Variants in AGBL4 observed in about 807,000 individuals in gnomAD.
AGBL4 encodes the protein AGBL carboxypeptidase 4.
Under a neutral mutation model 66.4 loss-of-function variants are expected in AGBL4, and 58 were observed. The observed-to-expected ratio is 0.87, with a 90% CI of 0.71 to 1.09. The LOEUF (loss-of-function observed/expected upper bound fraction) is 1.09. Ranked by LOEUF, AGBL4 falls within the 50% of genes least tolerant of loss-of-function variation. The pLI, the probability that AGBL4 is intolerant of heterozygous loss-of-function variation, is 0.00. For missense variants in AGBL4, 579 were observed against 631.0 expected (o/e 0.92, Z 0.88); for synonymous variants, 234 against 222.9 (o/e 1.05, Z -0.44).
chr1:49,615,717 G>A (rs1645238268), intron 3 of AGBL4, among the ~76,000 whole-genome samples: 1 of 152,030 alleles, frequency 6.6e-6, no homozygotes, highest in African/African-American at 2.4e-5. Flanking sequence ...GGAGCATTTG[G>A]GTTCTCTCTG....
intron 6 of AGBL4, among the ~76,000 whole-genome samples, chr1:48,702,454 G>A (rs1296384356): frequency 2.0e-5 from 3 of 151,982 alleles, no homozygotes; most frequent in African/African-American, 7.3e-5. Flanking sequence ...ACTACGCCTA[G>A]CTAATTTTTA....
At chr1:49,647,924 C>T (rs1374188451) in intron 3 of AGBL4, among the ~76,000 whole-genome samples, 1 of 151,566 alleles carries the variant, frequency 6.6e-6, no homozygotes. Context: ...CCATATCTTA[C>T]CACCACATTA....
intron 1 of AGBL4, among the ~76,000 whole-genome samples, chr1:49,884,651 T>G (rs1199409919): frequency 6.6e-6 from 1 of 151,818 alleles, no homozygotes; most frequent in Admixed American, 6.6e-5. Flanking sequence ...CAATGGTTTT[T>G]TTCAATTTAA....
chr1:49,096,363 C>T (rs1295456643), intron 4 of AGBL4, among the ~76,000 whole-genome samples: 1 of 152,114 alleles, frequency 6.6e-6, no homozygotes, highest in Non-Finnish European at 1.5e-5. Flanking sequence ...GATTATAAAT[C>T]ATGCTGCTAT....
chr1:49,272,038 A>T (rs1436462146), intron 3 of AGBL4, among the ~76,000 whole-genome samples: 1 of 152,174 alleles, frequency 6.6e-6, no homozygotes, highest in African/African-American at 2.4e-5. Flanking sequence ...TGGTACAATG[A>T]ATGTTATTTG....
chr1:49,840,164 T>G (rs1372022985), intron 2 of AGBL4, among the ~76,000 whole-genome samples: 1 of 152,176 alleles, frequency 6.6e-6, no homozygotes, highest in African/African-American at 2.4e-5. Flanking sequence ...TATTGGTCTA[T>G]TCAGAATTTC....
At chr1:48,917,695 T>C (rs966798056) in intron 5 of AGBL4, among the ~76,000 whole-genome samples, 1 of 152,242 alleles carries the variant, frequency 6.6e-6, no homozygotes, top group African/African-American at 2.4e-5. Context: ...TATTTTGATA[T>C]AGATGCTGTT....
chr1:49,253,135 C>A (rs1398678946), intron 3 of AGBL4, among the ~76,000 whole-genome samples: 1 of 152,148 alleles, frequency 6.6e-6, no homozygotes, highest in African/African-American at 2.4e-5. Context: ...AACCAAAACC[C>A]AGTGGTATGC....
At chr1:49,504,561 T>C (rs1349116229) in intron 3 of AGBL4, among the ~76,000 whole-genome samples, 1 of 152,116 alleles carries the variant, frequency 6.6e-6, no homozygotes, top group Non-Finnish European at 1.5e-5. Context: ...TTATATTCAC[T>C]TGATGAGTTT....
intron 4 of AGBL4, among the ~76,000 whole-genome samples, chr1:49,047,972 G>A (rs1644120904): frequency 6.6e-6 from 1 of 152,086 alleles, no homozygotes; most frequent in African/African-American, 2.4e-5. Flanking sequence ...AATACATGAT[G>A]ATCTACATTT....
chr1:48,709,205 T>G (rs1646925381), intron 6 of AGBL4, among the ~76,000 whole-genome samples: 1 of 152,186 alleles, frequency 6.6e-6, no homozygotes, highest in African/African-American at 2.4e-5. Context: ...CGCCTTTCCT[T>G]TCACGAAGTT....
At chr1:48,625,245 G>T (rs1265826479) in intron 9 of AGBL4, among the ~76,000 whole-genome samples, 2 of 151,506 alleles carry the variant, frequency 1.3e-5, no homozygotes, top group African/African-American at 2.4e-5. Flanking sequence ...TGCCCAGGCT[G>T]GTCTCAAACT....
chr1:49,704,363 G>A (rs1292658178), intron 2 of AGBL4, among the ~76,000 whole-genome samples: 1 of 151,750 alleles, frequency 6.6e-6, no homozygotes, highest in Non-Finnish European at 1.5e-5. Flanking sequence ...AAGATGACAA[G>A]GAAATTTAAT....
chr1:48,643,902 T>G lies in AGBL4; in HGVS notation c.840-9298A>C, dbSNP rs1351413178. On this transcript the variant is annotated intron_variant, in intron 8 of 13. Coordinates refer to ENST00000371839, the MANE Select transcript of AGBL4 (RefSeq NM_032785.4). ...GCTTTCTAGGAGGCTTCTTGCCTCC[T>G]TTTCTGCTTGTGTCTGGTGGGAAAG... Among the ~76,000 whole-genome samples the G allele has an allele frequency of 2.0e-5, 3 of 152,168 alleles. No individual in the cohort carries two copies. In the East Asian group the frequency reaches 5.8e-4, roughly 29 times the overall value.
intron 3 of AGBL4, among the ~76,000 whole-genome samples, chr1:49,486,633 G>A (rs1395278755): frequency 6.6e-6 from 1 of 151,794 alleles, no homozygotes; most frequent in Non-Finnish European, 1.5e-5. Flanking sequence ...TTCACTCTTG[G>A]TTATGCATTC....
intron 1 of AGBL4, among the ~76,000 whole-genome samples, chr1:49,996,526 A>T (rs1047467689): frequency 2.6e-5 from 4 of 152,002 alleles, no homozygotes; most frequent in South Asian, 2.1e-4. Flanking sequence ...AAAAAGGAAT[A>T]AAAAAAATGA....
At chr1:49,913,069 C>T (rs1651017736) in intron 1 of AGBL4, among the ~76,000 whole-genome samples, 2 of 152,170 alleles carry the variant, frequency 1.3e-5, no homozygotes, top group African/African-American at 4.8e-5. Flanking sequence ...AATCTCATTT[C>T]CTTTGCACAT....
intron 6 of AGBL4, among the ~76,000 whole-genome samples, chr1:48,858,657 G>A (rs954728292): frequency 3.9e-5 from 6 of 152,144 alleles, no homozygotes; most frequent in Admixed American, 1.3e-4. Flanking sequence ...TTATAACAGC[G>A]GTTGCCAGGG....
intron 5 of AGBL4, among the ~76,000 whole-genome samples, chr1:48,999,568 A>C (rs1265256138): frequency 6.6e-6 from 1 of 152,162 alleles, no homozygotes; most frequent in Non-Finnish European, 1.5e-5. Flanking sequence ...CCTCCACCAA[A>C]GCACATTAGA....
Sources: allele counts gnomAD v4.1 joint callset (sites outside exome capture counted in the v4.1 genomes callset), GRCh38; gene constraint gnomAD v4.1.1; transcripts MANE v1.5; gene names NCBI Gene and HGNC (gene_info 2026-07-23, HGNC 2026-07-21).